Variants in ANKRD36C observed in about 807,000 individuals in gnomAD.
The protein encoded by ANKRD36C is ankyrin repeat domain 36C.
A neutral mutation model predicts 276.4 loss-of-function variants in ANKRD36C; 61 were observed. The observed-to-expected ratio is 0.22, with a 90% confidence interval of 0.18 to 0.27. The LOEUF (loss-of-function observed/expected upper bound fraction) is 0.27. ANKRD36C is among the 10% of genes least tolerant of loss of function. The pLI is 1.00. For synonymous variants in ANKRD36C, 483 were observed against 680.1 expected (o/e 0.71, Z 4.51); for missense variants, 1,447 against 2,032.3 (o/e 0.71, Z 5.54).
chr2:95,912,999 T>C (rs1558636986), intron 40 of ANKRD36C, among the ~76,000 whole-genome samples: 1 of 150,910 alleles, frequency 6.6e-6, no homozygotes, highest in Non-Finnish European at 1.5e-5. Context: ...TAGTAGATAA[T>C]ATTCATTATC....
At position 95,852,213 on chromosome 2, in the gene ANKRD36C, T is replaced by A. The variant is rs77337934; in HGVS notation, c.5149-17A>T. On this transcript the variant is annotated splice_polypyrimidine_tract_variant and intron_variant, in intron 64 of 66. Coordinates refer to ENST00000456556, the Ensembl canonical transcript of ANKRD36C. ...TTCTTGAAACTAAAACAAAGAATTT[T>A]AAAAAATTACATTTGGAAATGACCT... 6.3e-7 allele frequency: 1 copy of A among 1,586,080 alleles called. No individual in the cohort carries two copies. The highest frequency in any genetic ancestry group is 2.2e-5 in the East Asian group (1 of 44,570).
intron 59 of ANKRD36C, among the ~76,000 whole-genome samples, chr2:95,867,796 G>A (rs1457442049): frequency 6.7e-6 from 1 of 149,354 alleles, no homozygotes; most frequent in Non-Finnish European, 1.5e-5. Flanking sequence ...ATGCTATTTA[G>A]AAAACTGACA....
chr2:95,980,418 G>C (rs962488616), intron 5 of ANKRD36C, among the ~76,000 whole-genome samples: 1 of 152,096 alleles, frequency 6.6e-6, no homozygotes, highest in Non-Finnish European at 1.5e-5. Flanking sequence ...GAAAAGTCCT[G>C]AAAGTTTCAA....
At chr2:95,892,187 G>C (rs1400339367) in intron 44 of ANKRD36C, among the ~76,000 whole-genome samples, 5 of 151,626 alleles carry the variant, frequency 3.3e-5, no homozygotes, top group South Asian at 4.1e-4. Flanking sequence ...ACTCATACAC[G>C]TGAGAATAAA....
In ANKRD36C at chr2:95,919,950, C is replaced by CAT. The variant is rs1573767736; in HGVS notation, c.2245+1655_2245+1656dup. On this transcript the variant is annotated intron_variant, in intron 34 of 66. Coordinates refer to ENST00000456556, the Ensembl canonical transcript of ANKRD36C. ...AAAGCAAAAGGGATACATAATCACTCATATATAAATATGATAAAGTTATCC... is the reference window on the plus strand; with the variant it reads ...AAAGCAAAAGGGATACATAATCACTCATATATATAAATATGATAAAGTTATCC... The CAT allele has an allele frequency of 1.3e-6, 2 of 1,532,856 alleles. 1 individual carries two copies. The highest frequency in any genetic ancestry group is 3.7e-5 in the Admixed American group (2 of 54,528). 95.0% of individuals were successfully genotyped at this position (1,532,856 alleles called of 1,614,324 possible).
chr2:95,902,961 G>A lies in ANKRD36C; in HGVS notation c.2654-3625C>T. On this transcript the variant is annotated intron_variant, in intron 42 of 66. Transcript: ENST00000456556. The stretch of plus-strand genomic sequence containing the variant: ...GAATCTTTCTCGTCTCTTGTAGCCT[G>A]AATGGAATTTGAAATGCAATAATAA... The A allele has an allele frequency of 6.3e-7, 1 of 1,588,268 alleles. No individual in the cohort carries two copies. Among genetic ancestry groups the A allele is most frequent in the Non-Finnish European group, 8.6e-7 (1 of 1,165,460 alleles).
chr2:95,987,160 G>T lies in ANKRD36C; in HGVS notation c.244C>A (p.His82Asn), dbSNP rs781702470. The stretch of plus-strand genomic sequence containing the variant: ...TCACATCTTCTGGACACCAGGAGAT[G>T]TACCATTTCCGGTTGGCCAGTGGCA... The change falls in exon 2 of 67, where the codon CAT becomes AAT. Residue 82 changes from histidine (H) to asparagine (N), a missense_variant. Physicochemically the swap from His to Asn is moderately conservative, Grantham distance 68. This residue lies in a region of ANKRD36C where 21 missense variants were observed against 76.5 expected (regional missense o/e 0.27). Coordinates refer to ENST00000456556, the Ensembl canonical transcript of ANKRD36C. 3 of 1,549,684 alleles carry T rather than the reference G, an allele frequency of 1.9e-6. No individual in the cohort carries two copies. In the Admixed American group the frequency reaches 5.9e-5, roughly 30 times the overall value.
chr2:95,937,264 G>A (rs1573783078), intron 22 of ANKRD36C, among the ~76,000 whole-genome samples: 1 of 152,288 alleles, frequency 6.6e-6, no homozygotes, highest in Non-Finnish European at 1.5e-5. Context: ...TCTGCTCAAT[G>A]CAGCAACATC....
In ANKRD36C at chr2:95,917,778, C is replaced by T. The variant is rs549357250; in HGVS notation, c.2347+77G>A. The T allele has an allele frequency of 1.9e-3, 2,812 of 1,516,892 alleles. 5 individuals carry two copies. The highest frequency in any genetic ancestry group is 2.2e-3 in the Non-Finnish European group (2,460 of 1,125,784). 94.0% of individuals were successfully genotyped at this position (1,516,892 alleles called of 1,614,324 possible). Reference sequence around the variant, plus strand: ...TTTGGCGAGCACCCCCAACCGCCCTCCGCTGATTTATTCAGGGTAGAGAAG... The same window carrying T: ...TTTGGCGAGCACCCCCAACCGCCCTTCGCTGATTTATTCAGGGTAGAGAAG... On this transcript the variant is annotated intron_variant, in intron 36 of 66. Transcript: ENST00000456556.
At chr2:95,977,404 A>G (rs560640576) in intron 6 of ANKRD36C, among the ~76,000 whole-genome samples, 8 of 152,352 alleles carry the variant, frequency 5.3e-5, no homozygotes, top group Non-Finnish European at 1.5e-5. Flanking sequence ...CCTATCAACT[A>G]TTATTGTTTT....
chr2:95,870,330 G>A (rs528200881), intron 59 of ANKRD36C, among the ~76,000 whole-genome samples: 25 of 152,240 alleles, frequency 1.6e-4, no homozygotes, highest in African/African-American at 5.1e-4. Context: ...CCAGAGGAAC[G>A]ATCACACAGC....
chr2:95,870,258 C>G, intron 59 of ANKRD36C, among the ~76,000 whole-genome samples: 1 of 152,190 alleles, frequency 6.6e-6, no homozygotes, highest in Non-Finnish European at 1.5e-5. Flanking sequence ...AACTGGGAGG[C>G]ACCCCCAGGT....
intron 22 of ANKRD36C, among the ~76,000 whole-genome samples, chr2:95,937,658 T>G (rs1322274444): frequency 6.6e-6 from 1 of 152,312 alleles, no homozygotes; most frequent in African/African-American, 2.4e-5. Context: ...AGGTACCAAA[T>G]GATACTTTGG....
chr2:95,973,923 T>C (rs1306569133), intron 6 of ANKRD36C, among the ~76,000 whole-genome samples: 1 of 152,040 alleles, frequency 6.6e-6, no homozygotes, highest in Non-Finnish European at 1.5e-5. Flanking sequence ...TGGCATATGC[T>C]TGTAGCAGTA....
chr2:95,908,489 T>C lies in ANKRD36C; in HGVS notation c.2653+3755A>G, dbSNP rs1573755688. 7.2e-6 allele frequency: 11 copies of C among 1,518,738 alleles called. No individual in the cohort carries two copies. In the East Asian group the frequency reaches 2.7e-4, roughly 37 times the overall value. The allele number at this position is 1,518,738 out of a possible 1,614,324, so 94.1% of individuals were successfully genotyped here. ...TGGACTGAACATGACATTAAATCTC[T>C]TTTCAAAATTACCTCTCCTAGTTTT... On this transcript the variant is annotated intron_variant, in intron 42 of 66. Coordinates refer to ENST00000456556, the Ensembl canonical transcript of ANKRD36C.
intron 8 of ANKRD36C, among the ~76,000 whole-genome samples, chr2:95,961,314 C>A (rs1470754222): frequency 7.2e-5 from 11 of 152,144 alleles, no homozygotes; most frequent in South Asian, 6.2e-4. Flanking sequence ...CAGAAAGTTT[C>A]TTCATCCACT....
At position 95,862,174 on chromosome 2, in the gene ANKRD36C, G is replaced by A. The variant is rs1293954701; in HGVS notation, c.3683-2100C>T. Among the ~76,000 whole-genome samples the A allele has an allele frequency of 3.3e-5, 5 of 152,158 alleles. No individual in the cohort carries two copies. In the East Asian group the frequency reaches 9.7e-4, roughly 29 times the overall value. On this transcript the variant is annotated intron_variant, in intron 60 of 66. Transcript: ENST00000456556. The stretch of plus-strand genomic sequence containing the variant: ...GGTTTCAATACCCTTTACTCAATAA[G>A]TGATAGAACAAGAAGGCAGAAAATC...
At chr2:95,948,250 G>A (rs756185660) in intron 17 of ANKRD36C, among the ~76,000 whole-genome samples, 92 of 151,918 alleles carry the variant, frequency 6.1e-4, no homozygotes, top group Non-Finnish European at 1.1e-3. Context: ...CTCTGTTGTG[G>A]GAAAGCGTTC....
At chr2:95,925,230 C>T (rs1356975234) in intron 30 of ANKRD36C, 122 bp downstream of exon 30, 4 of 1,472,488 alleles carry the variant, frequency 2.7e-6, no homozygotes, top group South Asian at 1.3e-5. Flanking sequence ...TAGAAATGCA[C>T]AATCTCAGGC....
Sources: gnomAD v4.1 joint callset for allele counts (sites outside exome capture counted in the v4.1 genomes callset) on GRCh38, gnomAD v4.1.1 for gene constraint, gnomAD v4.1.1 regional missense constraint, MANE v1.5 for transcripts, NCBI Gene and HGNC (gene_info 2026-07-23, HGNC 2026-07-21) for gene names.